Variants in NAB1 observed in about 807,000 individuals in gnomAD.
NAB1 encodes NGFI-A binding protein 1.
NAB1 carries 25 observed loss-of-function variants against 49.9 expected under a neutral mutation model. The ratio of observed to expected loss-of-function variants is 0.50; its 90% CI spans 0.37 to 0.70. The LOEUF (loss-of-function observed/expected upper bound fraction) is 0.70. NAB1 is among the 30% of genes least tolerant of loss of function. The pLI is 0.00. For synonymous variants in NAB1, 198 were observed against 215.6 expected (o/e 0.92, Z 0.71); for missense variants, 489 against 575.9 (o/e 0.85, Z 1.54).
intron 4 of NAB1, among the ~76,000 whole-genome samples, chr2:190,665,312 G>A (rs1478203231): frequency 7.0e-6 from 1 of 142,796 alleles, no homozygotes. Context: ...GACAGAGCAA[G>A]ACTCCATCTC....
chr2:190,661,546 TAACA>T (rs1694228271), intron 4 of NAB1, among the ~76,000 whole-genome samples: 1 of 152,296 alleles, frequency 6.6e-6, no homozygotes, highest in East Asian at 1.9e-4. Context: ...TCTAAAAGAT[TAACA>T]AACCTAGTTA....
rs1695058738 is a variant in NAB1, at chr2:190,676,137, A to G, written c.1005+2985A>G. On this transcript the variant is annotated intron_variant, in intron 6 of 9. Transcript: ENST00000337386. This position sits in a 1 kb window ranked among gnomAD's most constrained non-coding sequence, Gnocchi z 4.6. ...GTATGAGAAGAGATCAGGGGAGACT[A>G]TTGGGAAGGTGTAATTTGAGCTGGG... Among the ~76,000 whole-genome samples the G allele has an allele frequency of 6.6e-6, 1 of 152,096 alleles. No individual in the cohort carries two copies.
In NAB1 at chr2:190,652,044, C is replaced by T. The variant is rs895923113; in HGVS notation, c.-197+2062C>T. Among the ~76,000 whole-genome samples, 1 of 152,188 alleles carries T rather than the reference C, an allele frequency of 6.6e-6. No homozygotes were observed. The highest frequency in any genetic ancestry group is 2.4e-5 in the African/African-American group (1 of 41,452). ...GTTATATTAAGTGCAAATTCCCTTT[C>T]TGATCTGACATGTTCAATAACTCAT... On this transcript the variant is annotated intron_variant, in intron 2 of 9. Coordinates refer to ENST00000337386, the MANE Select transcript of NAB1 (RefSeq NM_005966.4). This position sits in a 1 kb window ranked among gnomAD's most constrained non-coding sequence, Gnocchi z 4.2.
At position 190,654,875 on chromosome 2, in the gene NAB1, G is replaced by A. The variant is rs1693841560; in HGVS notation, c.-196-1102G>A. On this transcript the variant is annotated intron_variant, in intron 2 of 9. Coordinates refer to ENST00000337386, the MANE Select transcript of NAB1 (RefSeq NM_005966.4). This position sits in a 1 kb window ranked among gnomAD's most constrained non-coding sequence, Gnocchi z 5.6. The stretch of plus-strand genomic sequence containing the variant: ...TGGAATCCAAACTTACTTAAATCCG[G>A]GAAACTGAAAGACCAATGGTGCAAC... Among the ~76,000 whole-genome samples, 1 of 152,136 alleles carries A rather than the reference G, an allele frequency of 6.6e-6. No individual in the cohort carries two copies. Among genetic ancestry groups the A allele is most frequent in the Non-Finnish European group, 1.5e-5 (1 of 68,020 alleles).
rs1264831943 is a variant in NAB1 at position 190,675,638 on chromosome 2, C to T, written c.1005+2486C>T. 2.0e-5 allele frequency among the ~76,000 whole-genome samples: 3 copies of T among 152,188 alleles called. No homozygotes were observed. Among genetic ancestry groups the T allele is most frequent in the Non-Finnish European group, 4.4e-5 (3 of 68,038 alleles). ...TTTTCCCTGTGAATAACTCTTCTAA[C>T]CCTTCCTAAATAAGACAAGCGACAA... On this transcript the variant is annotated intron_variant, in intron 6 of 9. Coordinates refer to ENST00000337386, the MANE Select transcript of NAB1 (RefSeq NM_005966.4). This position sits in a 1 kb window ranked among gnomAD's most constrained non-coding sequence, Gnocchi z 5.2.
In NAB1 at chr2:190,670,480, C is replaced by T; in HGVS notation, c.953+21C>T. On this transcript the variant is annotated intron_variant, in intron 5 of 9. Transcript: ENST00000337386. This position sits in a 1 kb window ranked among gnomAD's most constrained non-coding sequence, Gnocchi z 5.3. ...ACCAAGTAAGTATTTAACTAATCGT[C>T]ATTATTTTTGCATTGCTTGAGAGAA... 1.2e-6 allele frequency: 2 copies of T among 1,610,910 alleles called. No homozygotes were observed. The highest frequency in any genetic ancestry group is 1.7e-6 in the Non-Finnish European group (2 of 1,178,466).
At chr2:190,658,782 T>C (rs1694063952) in intron 3 of NAB1, among the ~76,000 whole-genome samples, 1 of 152,234 alleles carries the variant, frequency 6.6e-6, no homozygotes, top group South Asian at 2.1e-4. Context: ...CAGCAAATGG[T>C]TAGCATACTC....
intron 6 of NAB1, among the ~76,000 whole-genome samples, chr2:190,683,254 C>T (rs1695438266): frequency 6.7e-6 from 1 of 150,340 alleles, no homozygotes; most frequent in African/African-American, 2.5e-5. Flanking sequence ...GCCCAGCCTC[C>T]CTAGTAGCTG....
rs958796807 is a variant in NAB1 at position 190,667,261 on chromosome 2, A to C, written c.820-3065A>C. 6.6e-6 allele frequency among the ~76,000 whole-genome samples: 1 copy of C among 152,216 alleles called. No homozygotes were observed. The highest frequency in any genetic ancestry group is 2.4e-5 in the African/African-American group (1 of 41,452). On this transcript the variant is annotated intron_variant, in intron 4 of 9. Transcript: ENST00000337386. This position sits in a 1 kb window ranked among gnomAD's most constrained non-coding sequence, Gnocchi z 4.4. The stretch of plus-strand genomic sequence containing the variant: ...AGAATATTGTTTTCAGTTTATGTTG[A>C]AAAGTTATTTTCTGTGTTTGTGCAT...
chr2:190,683,703 C>A, intron 6 of NAB1, 35 bp from the exon 7 acceptor site: 1 of 1,443,650 alleles, frequency 6.9e-7, no homozygotes, highest in Non-Finnish European at 9.6e-7. Context: ...TATTTACAAA[C>A]TCTAAATATA....
intron 2 of NAB1, among the ~76,000 whole-genome samples, chr2:190,655,696 C>G (rs1693883011): frequency 6.6e-6 from 1 of 152,164 alleles, no homozygotes; most frequent in African/African-American, 2.4e-5. Flanking sequence ...AAAATCCTCA[C>G]ATCCCAGCTT....
rs995825750 is a variant in NAB1 at position 190,666,741 on chromosome 2, G to A, written c.820-3585G>A. On this transcript the variant is annotated intron_variant, in intron 4 of 9. Coordinates refer to ENST00000337386, the MANE Select transcript of NAB1 (RefSeq NM_005966.4). The surrounding 1 kb of genome is among the most constrained non-coding windows in gnomAD (Gnocchi z 5.6). The stretch of plus-strand genomic sequence containing the variant: ...AACTTTAAGAAATCTTTCACATAAA[G>A]ATATGGTGGAATTTTGGTATTTTGG... Among the ~76,000 whole-genome samples the A allele has an allele frequency of 2.0e-5, 3 of 151,994 alleles. No homozygotes were observed. Among genetic ancestry groups the A allele is most frequent in the Non-Finnish European group, 4.4e-5 (3 of 67,960 alleles).
chr2:190,687,735 G>A (rs543803501), intron 9 of NAB1, among the ~76,000 whole-genome samples: 7 of 152,198 alleles, frequency 4.6e-5, no homozygotes, highest in East Asian at 1.9e-4. Flanking sequence ...TTCATATTCC[G>A]AACAATGACA....
rs1419484805 is a variant in NAB1 at position 190,680,697 on chromosome 2, T to C, written c.1006-3041T>C. Among the ~76,000 whole-genome samples the C allele has an allele frequency of 6.6e-6, 1 of 152,240 alleles. No homozygotes were observed. ...TTCCCCACGAATGTGCTTAATATTCTCTGGTTGATTTTAGTATTAAATGTT... is the reference window on the plus strand; with the variant it reads ...TTCCCCACGAATGTGCTTAATATTCCCTGGTTGATTTTAGTATTAAATGTT... On this transcript the variant is annotated intron_variant, in intron 6 of 9. Transcript: ENST00000337386. This position sits in a 1 kb window ranked among gnomAD's most constrained non-coding sequence, Gnocchi z 5.2.
rs1476011705 is a variant in NAB1 at position 190,675,210 on chromosome 2, A to C, written c.1005+2058A>C. On this transcript the variant is annotated intron_variant, in intron 6 of 9. Coordinates refer to ENST00000337386, the MANE Select transcript of NAB1 (RefSeq NM_005966.4). This position sits in a 1 kb window ranked among gnomAD's most constrained non-coding sequence, Gnocchi z 5.2. Reference sequence around the variant, plus strand: ...GCCAAAAAATTAGTTGCTAGGCTAGAAATATGTCTCTATCTATTTCTCACC... The same window carrying C: ...GCCAAAAAATTAGTTGCTAGGCTAGCAATATGTCTCTATCTATTTCTCACC... Among the ~76,000 whole-genome samples, 2 of 152,238 alleles carry C rather than the reference A, an allele frequency of 1.3e-5. No individual in the cohort carries two copies. Among genetic ancestry groups the C allele is most frequent in the Non-Finnish European group, 2.9e-5 (2 of 68,032 alleles).
At position 190,685,471 on chromosome 2, in the gene NAB1, A is replaced by G. The variant is rs1489842584; in HGVS notation, c.1096-5A>G. 6.2e-7 allele frequency: 1 copy of G among 1,602,796 alleles called. No individual in the cohort carries two copies. On this transcript the variant is annotated splice_region_variant and splice_polypyrimidine_tract_variant and intron_variant, in intron 7 of 9. Transcript: ENST00000337386. This position sits in a 1 kb window ranked among gnomAD's most constrained non-coding sequence, Gnocchi z 4.5. ...TACTGATTTGATTTTTGCTTTACTT[A>G]CTAGCAGCCTGAAAAGGTGATGGCA...
intron 6 of NAB1, among the ~76,000 whole-genome samples, chr2:190,683,221 A>C (rs1379596011): frequency 1.3e-5 from 2 of 148,848 alleles, no homozygotes; most frequent in Admixed American, 1.3e-4. Flanking sequence ...AGCGATTCTC[A>C]TGCTTCAGCC....
At position 190,666,727 on chromosome 2, in the gene NAB1, A is replaced by G. The variant is rs1290899283; in HGVS notation, c.820-3599A>G. 1.3e-5 allele frequency among the ~76,000 whole-genome samples: 2 copies of G among 152,154 alleles called. No homozygotes were observed. Among genetic ancestry groups the G allele is most frequent in the South Asian group, 2.1e-4 (1 of 4,826 alleles). On this transcript the variant is annotated intron_variant, in intron 4 of 9. Transcript: ENST00000337386. The surrounding 1 kb of genome is among the most constrained non-coding windows in gnomAD (Gnocchi z 5.6). ...AGAAAAAGGAAGCGAACTTTAAGAAATCTTTCACATAAAGATATGGTGGAA... is the reference window on the plus strand; with the variant it reads ...AGAAAAAGGAAGCGAACTTTAAGAAGTCTTTCACATAAAGATATGGTGGAA...
rs1693681226 is a variant in NAB1 at position 190,651,795 on chromosome 2, G to A, written c.-197+1813G>A. Among the ~76,000 whole-genome samples, 1 of 152,138 alleles carries A rather than the reference G, an allele frequency of 6.6e-6. No homozygotes were observed. The highest frequency in any genetic ancestry group is 1.5e-5 in the Non-Finnish European group (1 of 68,026). On this transcript the variant is annotated intron_variant, in intron 2 of 9. Transcript: ENST00000337386. The surrounding 1 kb of genome is among the most constrained non-coding windows in gnomAD (Gnocchi z 4.3). ...TTAAATGCAAAGCTGTGTTTTGGAT[G>A]GAAGTGACCATTTTATAATATGTTT...
Sources: gnomAD v4.1 joint callset for allele counts (sites outside exome capture counted in the v4.1 genomes callset) on GRCh38, gnomAD v4.1.1 for gene constraint, Gnocchi (gnomAD v3.1) non-coding constraint, MANE v1.5 for transcripts, NCBI Gene and HGNC (gene_info 2026-07-23, HGNC 2026-07-21) for gene names.